SETD2: variants seen among roughly 807,000 people sequenced by gnomAD.
SETD2 encodes SET domain containing 2, histone lysine methyltransferase.
Under a neutral mutation model 242.1 loss-of-function variants are expected in SETD2, and 31 were observed. That is an observed-to-expected ratio of 0.13 (90% CI 0.10 to 0.17). The LOEUF (loss-of-function observed/expected upper bound fraction) is 0.17. Among genes scored for constraint, SETD2 ranks in the 10% least tolerant of loss-of-function variants. The pLI is 1.00. For missense variants in SETD2, 2,481 were observed against 3,046.3 expected (o/e 0.81, Z 4.37); for synonymous variants, 1,006 against 1,066.5 (o/e 0.94, Z 1.11).
At chr3:47,154,803 C>G (rs1032787131) in intron 1 of SETD2, among the ~76,000 whole-genome samples, 3 of 152,078 alleles carry the variant, frequency 2.0e-5, no homozygotes, top group African/African-American at 7.2e-5. Flanking sequence ...ACCATCCTGG[C>G]TAACATGGTG....
chr3:47,163,892 C>G lies in SETD2; in HGVS notation c.33G>C (p.Lys11Asn), dbSNP rs1575863434. The change falls in exon 1 of 21, where the codon AAG becomes AAC. Residue 11 changes from lysine (K) to asparagine (N), a missense_variant. Transcript: ENST00000409792. ...GCTCCGGGTCGTAGAAATCCCCCAT[C>G]TTCGGAGGCGGCTGCGGCTGCAGCT... MKQLQPQPPP[K>N]MGDFYDPEHP... 6 of 1,319,220 alleles carry G rather than the reference C, an allele frequency of 4.5e-6. No homozygotes were observed. Among genetic ancestry groups the G allele is most frequent in the Non-Finnish European group, 5.8e-6 (6 of 1,028,522 alleles). The allele number at this position is 1,319,220 out of a possible 1,614,324, so 81.7% of individuals were successfully genotyped here. A position where few individuals can be genotyped will look rare whatever the true frequency, so the allele number is the denominator to read the frequency against.
At chr3:47,090,768 G>GT (rs774379291) in intron 9 of SETD2, among the ~76,000 whole-genome samples, 1 of 152,148 alleles carries the variant, frequency 6.6e-6, no homozygotes, top group Non-Finnish European at 1.5e-5. Context: ...GAGAAGACAG[G>GT]TAACATTACA....
At chr3:47,053,049 C>A (rs2039917547) in intron 15 of SETD2, among the ~76,000 whole-genome samples, 1 of 151,868 alleles carries the variant, frequency 6.6e-6, no homozygotes, top group Admixed American at 6.6e-5. Flanking sequence ...ACCATCATGC[C>A]CAGCTAATTT....
intron 14 of SETD2, 57 bp downstream of exon 14, chr3:47,062,106 C>T (rs993688824): frequency 2.3e-5 from 35 of 1,531,128 alleles, no homozygotes; most frequent in Admixed American, 5.7e-5. Context: ...GACTTGGGTA[C>T]TTTTTAACTT....
chr3:47,113,768 G>T, intron 5 of SETD2, 108 bp downstream of exon 5: 1 of 1,026,054 alleles, frequency 9.7e-7, no homozygotes, highest in Non-Finnish European at 1.4e-6. Flanking sequence ...GAATCCGGGA[G>T]GTAGAGGTTC....
intron 4 of SETD2, among the ~76,000 whole-genome samples, chr3:47,115,727 C>T (rs1038236654): frequency 6.6e-6 from 1 of 152,184 alleles, no homozygotes; most frequent in Non-Finnish European, 1.5e-5. Flanking sequence ...TCACTGCAAG[C>T]TCCACCTCCT....
Position 47,089,144 on chromosome 3 carries a change from G to A in SETD2, c.5143-897C>T, listed in dbSNP as rs193128866. 2.0e-3 allele frequency among the ~76,000 whole-genome samples: 297 copies of A among 152,228 alleles called. 3 individuals are homozygous for A. Among genetic ancestry groups the A allele is most frequent in the African/African-American group, 6.5e-3 (271 of 41,524 alleles). On this transcript the variant is annotated intron_variant, in intron 9 of 20. Transcript: ENST00000409792. ...TTTAGTGATACATATGTGAAAAACT[G>A]CTTTTAAACAGGCAAGGATGACCGG...
At chr3:47,109,941 G>A (rs532819536) in intron 5 of SETD2, among the ~76,000 whole-genome samples, 8 of 149,892 alleles carry the variant, frequency 5.3e-5, no homozygotes, top group South Asian at 2.1e-4. Context: ...AGCCGTGATC[G>A]TGCCACTGTG....
intron 15 of SETD2, among the ~76,000 whole-genome samples, chr3:47,049,811 TA>T (rs2039731604): frequency 5.2e-5 from 2 of 38,194 alleles, no homozygotes; most frequent in Non-Finnish European, 6.4e-5. Context: ...GTTTATATTA[TA>T]TATATTATAT....
intron 9 of SETD2, among the ~76,000 whole-genome samples, chr3:47,096,599 G>A (rs2042016463): frequency 7.2e-6 from 1 of 139,616 alleles, no homozygotes; most frequent in South Asian, 2.3e-4. Flanking sequence ...AAAAAAAAGG[G>A]GGGCTGGGCA....
rs1575752168 is a variant in SETD2 at position 47,088,201 on chromosome 3, G to C, written c.5189C>G (p.Ser1730Cys). The change falls in exon 10 of 21, where the codon TCT becomes TGT. Residue 1730 changes from serine to cysteine, a missense_variant. Ser to Cys is a moderately radical substitution (Grantham distance 112). Around this residue, in one of 17 missense-constraint regions of SETD2, gnomAD observed 62 missense variants for 136.7 expected, o/e 0.45. Coordinates refer to ENST00000409792, the MANE Select transcript of SETD2 (RefSeq NM_014159.7). ...EALMENGEGLSDKNQVLSLSR... is the reference protein window; with the variant it reads ...EALMENGEGLCDKNQVLSLSR... ...TAAGCTGAGCACCTGGTTTTTATCA[G>C]AGAGACCCTCACCATTTTCCATCAG... 1 of 1,613,598 alleles carries C rather than the reference G, an allele frequency of 6.2e-7. No homozygotes were observed. Among genetic ancestry groups the C allele is most frequent in the South Asian group, 1.1e-5 (1 of 91,072 alleles).
chr3:47,036,312 T>C (rs2038994148), intron 18 of SETD2, among the ~76,000 whole-genome samples: 1 of 152,126 alleles, frequency 6.6e-6, no homozygotes. Flanking sequence ...CCCAACACTT[T>C]GGGAGGCTGA....
intron 5 of SETD2, among the ~76,000 whole-genome samples, chr3:47,111,757 A>G (rs1364201007): frequency 2.6e-5 from 4 of 152,162 alleles, no homozygotes; most frequent in African/African-American, 9.7e-5. Flanking sequence ...AGGAAAAAAA[A>G]AAAAAGAACA....
intron 13 of SETD2, among the ~76,000 whole-genome samples, chr3:47,062,789 A>T (rs906670796): frequency 2.7e-5 from 4 of 148,942 alleles, no homozygotes; most frequent in Non-Finnish European, 4.5e-5. Flanking sequence ...AGAAAAGTTT[A>T]TTTTTTTTTT....
At chr3:47,152,421 A>C (rs1017155780) in intron 1 of SETD2, among the ~76,000 whole-genome samples, 1 of 152,238 alleles carries the variant, frequency 6.6e-6, no homozygotes, top group Non-Finnish European at 1.5e-5. Flanking sequence ...GTGTGTGCTC[A>C]AGGCCAGAAT....
intron 18 of SETD2, among the ~76,000 whole-genome samples, chr3:47,033,671 T>TC (rs2107521989): frequency 7.0e-6 from 1 of 142,670 alleles, no homozygotes; most frequent in East Asian, 2.0e-4. Flanking sequence ...TTTTTTTTTT[T>TC]TTTTTTTGAG....
chr3:47,062,885 G>A (rs149910097), intron 13 of SETD2, among the ~76,000 whole-genome samples: 1 of 152,112 alleles, frequency 6.6e-6, no homozygotes, highest in Non-Finnish European at 1.5e-5. Flanking sequence ...CAAGGCAGCA[G>A]TGAGCTATGA....
rs2106715903 is a variant in SETD2, at chr3:47,123,938, A to C, written c.698T>G (p.Val233Gly). ...MAAPVPLPVD[V>G]AVRSLKEPPI... ...TGGTTCTTTCAGAGATCTAACTGCT[A>C]CATCTACTGGTAAGGGTACTGGTGC... is the stretch of plus-strand genomic sequence containing the variant. The change falls in exon 3 of 21, where the codon GTA becomes GGA. Residue 233 changes from valine (V) to glycine (G), a missense_variant. Val to Gly is a moderately radical substitution (Grantham distance 109, BLOSUM62 -3). Coordinates refer to ENST00000409792, the MANE Select transcript of SETD2 (RefSeq NM_014159.7). 1.3e-6 allele frequency: 2 copies of C among 1,551,838 alleles called. No individual in the cohort carries two copies. The highest frequency in any genetic ancestry group is 1.4e-5 in the African/African-American group (1 of 73,174).
At chr3:47,059,581 G>A (rs955856844) in intron 14 of SETD2, among the ~76,000 whole-genome samples, 2 of 150,948 alleles carry the variant, frequency 1.3e-5, no homozygotes, top group African/African-American at 2.4e-5. Context: ...CACCACACCC[G>A]GGTAATCTTT....
Sources: gnomAD v4.1 joint callset for allele counts (sites outside exome capture counted in the v4.1 genomes callset) on GRCh38, gnomAD v4.1.1 for gene constraint, gnomAD v4.1.1 regional missense constraint, MANE v1.5 for transcripts, NCBI Gene and HGNC (gene_info 2026-07-23, HGNC 2026-07-21) for gene names.